The following CEP350 variants were observed in gnomAD, a reference collection of about 807,000 sequenced individuals.
CEP350 encodes centrosomal protein 350.
Under a neutral mutation model 331.8 loss-of-function variants are expected in CEP350, and 126 were observed. That is an observed-to-expected ratio of 0.38 (90% CI 0.33 to 0.44). The LOEUF (loss-of-function observed/expected upper bound fraction) is 0.44. Among genes scored for constraint, CEP350 ranks in the 20% least tolerant of loss-of-function variants. The probability of loss-of-function intolerance (pLI) is 1.00; values close to 1 mark genes in which losing one functional copy is unlikely to be tolerated. For missense variants in CEP350, 3,406 were observed against 3,634.6 expected, an observed-to-expected ratio of 0.94 and a Z score of 1.62; for synonymous variants, 1,200 against 1,259.5, an observed-to-expected ratio of 0.95 and a Z score of 1.00.
At chr1:179,987,362 G>A (rs16855052) in intron 3 of CEP350, 76 bp downstream of exon 3, 2 of 744,326 alleles carry the variant, frequency 2.7e-6, no homozygotes, top group African/African-American at 3.6e-5. Flanking sequence ...AGATTAAAAT[G>A]TTTTCCATAC....
intron 6 of CEP350, among the ~76,000 whole-genome samples, chr1:179,999,595 A>G (rs1653724109): frequency 6.6e-6 from 1 of 152,166 alleles, no homozygotes; most frequent in Non-Finnish European, 1.5e-5. Flanking sequence ...TAAAGACATA[A>G]TAAATTCATT....
chr1:180,075,671 G>A (rs1659176531), intron 28 of CEP350, among the ~76,000 whole-genome samples: 1 of 151,934 alleles, frequency 6.6e-6, no homozygotes, highest in African/African-American at 2.4e-5. Context: ...AAAAAAAATT[G>A]TGGCTAGGCG....
At position 180,040,620 on chromosome 1, in the gene CEP350, C is replaced by T. The variant is rs554256128; in HGVS notation, c.4111-518C>T. On this transcript the variant is annotated intron_variant, in intron 17 of 37. Transcript: ENST00000367607. ...CCTTTTGAAAACCTCTATTATTTAG[C>T]AGTATTTCAAAGGAGATGAAAAAAA... Among the ~76,000 whole-genome samples, 3 of 149,260 alleles carry T rather than the reference C, an allele frequency of 2.0e-5. No individual in the cohort carries two copies. In the South Asian group the frequency reaches 6.4e-4, roughly 32 times the overall value.
At position 180,111,261 on chromosome 1, in the gene CEP350, A is replaced by G. The variant is rs1399221365; in HGVS notation, c.*100A>G. 1 of 1,373,648 alleles carries G rather than the reference A, an allele frequency of 7.3e-7. No homozygotes were observed. Among genetic ancestry groups the G allele is most frequent in the African/African-American group, 1.4e-5 (1 of 69,492 alleles). The allele number at this position is 1,373,648 out of a possible 1,614,324, so 85.1% of individuals were successfully genotyped here. On this transcript the variant is annotated 3_prime_UTR_variant, in exon 38 of 38. Coordinates refer to ENST00000367607, the MANE Select transcript of CEP350 (RefSeq NM_014810.5). ...GCCATCATAGCAAGAGTGCTTCTGG[A>G]CCTTGTACTTATTCTTAAAGACTAC...
intron 1 of CEP350, among the ~76,000 whole-genome samples, chr1:179,974,141 G>A (rs547634703): frequency 2.6e-4 from 39 of 151,530 alleles, no homozygotes; most frequent in South Asian, 8.3e-4. Flanking sequence ...GTGCAGTGGC[G>A]TGATCTCGGC....
At chr1:179,998,905 C>A (rs1324187192) in intron 6 of CEP350, among the ~76,000 whole-genome samples, 1 of 151,960 alleles carries the variant, frequency 6.6e-6, no homozygotes, top group East Asian at 1.9e-4. Flanking sequence ...GTGATCAATT[C>A]ACTTTAGAAT....
At chr1:179,956,690 A>G (rs1298254943) in intron 1 of CEP350, among the ~76,000 whole-genome samples, 1 of 152,186 alleles carries the variant, frequency 6.6e-6, no homozygotes, top group African/African-American at 2.4e-5. Context: ...GTGGGAGCAA[A>G]AAAGAAGTCT....
Position 180,094,175 on chromosome 1 carries a change from T to C in CEP350, c.8070T>C (p.Phe2690=). ...AAEDDTLDNT[F]SEELEKQQQF... is the part of the protein sequence containing the mutation. ...AAGATGACACTTTAGACAATACCTT[T>C]TCCGAAGAATTGGAGAAGCAACAGC... The change falls in exon 34 of 38, where the codon TTT becomes TTC. Residue 2690 remains phenylalanine (F), a synonymous_variant. Transcript: ENST00000367607. The C allele has an allele frequency of 6.2e-7, 1 of 1,613,476 alleles. No individual in the cohort carries two copies. Among genetic ancestry groups the C allele is most frequent in the Non-Finnish European group, 8.5e-7 (1 of 1,179,632 alleles).
intron 22 of CEP350, chr1:180,052,275 G>A (rs769244329): frequency 2.2e-5 from 10 of 450,770 alleles, no homozygotes; most frequent in Non-Finnish European, 4.4e-5. Flanking sequence ...CTGGCCTCAA[G>A]GGATCCTCCC....
At chr1:180,105,300 C>T (rs1455849870) in intron 37 of CEP350, among the ~76,000 whole-genome samples, 1 of 152,014 alleles carries the variant, frequency 6.6e-6, no homozygotes, top group Non-Finnish European at 1.5e-5. Flanking sequence ...CTCCTGGAAT[C>T]CGCCCACGGA....
intron 1 of CEP350, among the ~76,000 whole-genome samples, chr1:179,984,097 C>T (rs1652477972): frequency 2.0e-5 from 3 of 152,154 alleles, no homozygotes; most frequent in Admixed American, 2.0e-4. Context: ...TCAGTTTTAG[C>T]ACACTTTGCA....
At chr1:180,042,910 A>T (rs1290836282) in intron 19 of CEP350, 146 bp from the exon 20 acceptor site, 1 of 753,160 alleles carries the variant, frequency 1.3e-6, no homozygotes, top group Non-Finnish European at 2.1e-6. Context: ...AGGCTAAATG[A>T]CTTGTCCACA....
At chr1:179,993,985 T>G (rs1209192833) in intron 5 of CEP350, among the ~76,000 whole-genome samples, 1 of 152,236 alleles carries the variant, frequency 6.6e-6, no homozygotes, top group Non-Finnish European at 1.5e-5. Flanking sequence ...ATGTTTTGGT[T>G]CCATATCTGC....
intron 22 of CEP350, chr1:180,052,203 TTC>T (rs1213705490): frequency 2.2e-6 from 1 of 453,050 alleles, no homozygotes; most frequent in South Asian, 1.6e-5. Flanking sequence ...TACAAATTCT[TTC>T]TTTCTTTCTT....
intron 27 of CEP350, among the ~76,000 whole-genome samples, chr1:180,071,556 C>T (rs1403826674): frequency 1.3e-5 from 2 of 151,758 alleles, no homozygotes; most frequent in Non-Finnish European, 2.9e-5. Context: ...GCAGATGGAT[C>T]ACCTGAGGTC....
intron 30 of CEP350, 71 bp from the exon 31 acceptor site, chr1:180,083,947 T>A: frequency 1.4e-6 from 1 of 706,478 alleles, no homozygotes; most frequent in Non-Finnish European, 2.2e-6. Flanking sequence ...TACAGCTTTT[T>A]ATTAGTAGTT....
In CEP350 at chr1:179,973,556, G is replaced by A. The variant is rs112314042; in HGVS notation, c.-13-12613G>A. Among the ~76,000 whole-genome samples, 701 of 152,254 alleles carry A rather than the reference G, an allele frequency of 4.6e-3. 8 individuals carry two copies. Among genetic ancestry groups the A allele is most frequent in the African/African-American group, 0.016 (650 of 41,548 alleles). Reference sequence around the variant, plus strand: ...TAGGCTTTTACTTGGTGATAGAGCAGTAGTATTATCTTTTACTCCAGTTTT... The same window carrying A: ...TAGGCTTTTACTTGGTGATAGAGCAATAGTATTATCTTTTACTCCAGTTTT... On this transcript the variant is annotated intron_variant, in intron 1 of 37. Coordinates refer to ENST00000367607, the MANE Select transcript of CEP350 (RefSeq NM_014810.5).
At position 180,020,438 on chromosome 1, in the gene CEP350, T is replaced by C. The variant is rs987560583; in HGVS notation, c.2664T>C (p.Val888=). ...TPPVKDDNED[V]FSARIQKMLG... is the part of the protein sequence containing the mutation. ...CTGTGAAAGATGATAATGAAGATGT[T>C]TTCTCTGCCAGAATTCAGAAGATGC... is the stretch of plus-strand genomic sequence containing the variant. The change falls in exon 12 of 38, where the codon GTT becomes GTC. Residue 888 remains valine, a synonymous_variant. Coordinates refer to ENST00000367607, the MANE Select transcript of CEP350 (RefSeq NM_014810.5). The C allele has an allele frequency of 2.5e-6, 4 of 1,613,966 alleles. No individual in the cohort carries two copies. The highest frequency in any genetic ancestry group is 3.4e-6 in the Non-Finnish European group (4 of 1,179,890).
In CEP350 at chr1:180,093,931, G is replaced by A. The variant is rs956666965; in HGVS notation, c.7826G>A (p.Ser2609Asn). Residue 2609 changes from serine (S) to asparagine (N), a missense_variant, in exon 34 of 38, where the codon AGT (serine) becomes AAT (asparagine). Around this residue, in one of 5 missense-constraint regions of CEP350, gnomAD observed 1,415 missense variants for 1,512.3 expected, o/e 0.94. Coordinates refer to ENST00000367607, the MANE Select transcript of CEP350 (RefSeq NM_014810.5). ...CCAAAAGACAGAGAAAAGGATGTCA[G>A]TGAATATTTTTATGAGAAATCCCTA... ...EGPKDREKDV[S>N]EYFYEKSLPS... The A allele has an allele frequency of 7.4e-6, 12 of 1,613,728 alleles. No individual in the cohort carries two copies. Among genetic ancestry groups the A allele is most frequent in the South Asian group, 2.2e-5 (2 of 91,066 alleles).
Sources: gnomAD v4.1 joint callset for allele counts (sites outside exome capture counted in the v4.1 genomes callset) on GRCh38, gnomAD v4.1.1 for gene constraint, gnomAD v4.1.1 regional missense constraint, MANE v1.5 for transcripts, NCBI Gene and HGNC (gene_info 2026-07-23, HGNC 2026-07-21) for gene names.